The following ITFG1 variants were observed in gnomAD, a reference collection of about 807,000 sequenced individuals.
ITFG1 encodes the protein integrin alpha FG-GAP repeat containing 1.
ITFG1 carries 34 observed loss-of-function variants against 81.8 expected under a neutral mutation model. The observed-to-expected ratio is 0.42, with a 90% CI of 0.32 to 0.55. The LOEUF is 0.55. ITFG1 is among the 20% of genes least tolerant of loss of function. The probability of loss-of-function intolerance (pLI) is 0.17; values close to 1 mark genes in which losing one functional copy is unlikely to be tolerated. For missense variants in ITFG1, 672 were observed against 755.4 expected, an observed-to-expected ratio of 0.89 and a Z score of 1.29; for synonymous variants, 285 against 270.6, an observed-to-expected ratio of 1.05 and a Z score of -0.52.
chr16:47,155,550 A>G lies in ITFG1; in HGVS notation c.*169T>C. ...TTTATATACAAAGTGCTTTAAAAAA[A>G]AAGACCTTGTGACATATTCAAACCA... On this transcript the variant is annotated 3_prime_UTR_variant, in exon 18 of 18. Transcript: ENST00000320640. 1 of 508,920 alleles carries G rather than the reference A, an allele frequency of 2.0e-6. No individual in the cohort carries two copies. Among genetic ancestry groups the G allele is most frequent in the Non-Finnish European group, 3.4e-6 (1 of 293,694 alleles). The allele number at this position is 508,920 out of a possible 1,614,324, so 31.5% of individuals were successfully genotyped here.
intron 12 of ITFG1, among the ~76,000 whole-genome samples, chr16:47,252,462 G>T (rs996978876): frequency 6.6e-6 from 1 of 152,182 alleles, no homozygotes; most frequent in Admixed American, 6.5e-5. Flanking sequence ...GGGAAACAGG[G>T]TTCATCCAGG....
intron 10 of ITFG1, among the ~76,000 whole-genome samples, chr16:47,280,030 T>G (rs1426532602): frequency 6.6e-6 from 1 of 152,102 alleles, no homozygotes; most frequent in African/African-American, 2.4e-5. Context: ...TTCTTTCAAA[T>G]TTTCTACACC....
At chr16:47,326,648 G>A (rs1227071374) in intron 8 of ITFG1, among the ~76,000 whole-genome samples, 15 of 152,050 alleles carry the variant, frequency 9.9e-5, no homozygotes, top group African/African-American at 3.4e-4. Flanking sequence ...AAATCAATGT[G>A]CAAAAATCAC....
intron 8 of ITFG1, among the ~76,000 whole-genome samples, chr16:47,342,056 C>T (rs970733891): frequency 6.6e-6 from 1 of 152,080 alleles, no homozygotes; most frequent in African/African-American, 2.4e-5. Flanking sequence ...AAACACTTCC[C>T]AACTCGTTTT....
chr16:47,449,331 T>C (rs1403176526), intron 5 of ITFG1: 1 of 152,242 alleles, frequency 6.6e-6, no homozygotes, highest in Non-Finnish European at 1.5e-5. Context: ...TAACCCAAAA[T>C]GTCAATGCTG....
At chr16:47,445,343 A>C (rs1041791971) in intron 5 of ITFG1, among the ~76,000 whole-genome samples, 2 of 152,006 alleles carry the variant, frequency 1.3e-5, no homozygotes, top group African/African-American at 4.8e-5. Flanking sequence ...GATTTAGGAA[A>C]TGTAAGGAAG....
At chr16:47,373,065 A>G (rs1968278157) in intron 7 of ITFG1, among the ~76,000 whole-genome samples, 1 of 152,202 alleles carries the variant, frequency 6.6e-6, no homozygotes, top group South Asian at 2.1e-4. Context: ...CATATTACTT[A>G]GTTTAGAGAT....
chr16:47,247,298 T>A (rs903387037), intron 12 of ITFG1, among the ~76,000 whole-genome samples: 38 of 152,222 alleles, frequency 2.5e-4, no homozygotes, highest in Admixed American at 1.8e-3. Context: ...CAATCACAGT[T>A]TATTACAATT....
chr16:47,193,774 A>G (rs188115813), intron 14 of ITFG1, among the ~76,000 whole-genome samples: 21 of 152,358 alleles, frequency 1.4e-4, no homozygotes, highest in Admixed American at 3.3e-4. Flanking sequence ...GTGAATATAC[A>G]TAATTAAGTT....
At chr16:47,306,551 G>A (rs1967162477) in intron 10 of ITFG1, among the ~76,000 whole-genome samples, 1 of 151,794 alleles carries the variant, frequency 6.6e-6, no homozygotes, top group Non-Finnish European at 1.5e-5. Flanking sequence ...CAAAATATAT[G>A]ACCTGAAGTC....
At chr16:47,181,188 G>A (rs1236111918) in intron 14 of ITFG1, among the ~76,000 whole-genome samples, 7 of 148,756 alleles carry the variant, frequency 4.7e-5, no homozygotes, top group Middle Eastern at 7.8e-3. Context: ...CTGCCCGGCC[G>A]CCCCATCTGA....
At chr16:47,326,226 A>C (rs1022793697) in intron 8 of ITFG1, among the ~76,000 whole-genome samples, 19 of 152,362 alleles carry the variant, frequency 1.2e-4, no homozygotes, top group Middle Eastern at 3.4e-3. Context: ...CAAAAACCAC[A>C]TGATTATCTC....
chr16:47,317,956 C>A (rs1967388569), intron 8 of ITFG1: 1 of 152,136 alleles, frequency 6.6e-6, no homozygotes, highest in Non-Finnish European at 1.5e-5. Flanking sequence ...CATACCACTA[C>A]ATTAAGAAAC....
At chr16:47,205,408 C>T (rs1049347206) in intron 14 of ITFG1, among the ~76,000 whole-genome samples, 1 of 152,156 alleles carries the variant, frequency 6.6e-6, no homozygotes, top group African/African-American at 2.4e-5. Context: ...ACAATTCGTA[C>T]AAATTTTCAG....
At chr16:47,427,156 T>C (rs1273570995) in intron 6 of ITFG1, among the ~76,000 whole-genome samples, 1 of 152,178 alleles carries the variant, frequency 6.6e-6, no homozygotes, top group East Asian at 1.9e-4. Flanking sequence ...CCTGTTGAAA[T>C]AATGGGGCTG....
At chr16:47,239,383 T>C (rs547974763) in intron 12 of ITFG1, among the ~76,000 whole-genome samples, 3 of 152,180 alleles carry the variant, frequency 2.0e-5, no homozygotes, top group African/African-American at 4.8e-5. Flanking sequence ...GTATTTTTAG[T>C]AGAGACGGGG....
At chr16:47,313,544 A>C (rs7199958) in intron 9 of ITFG1, among the ~76,000 whole-genome samples, 185 bp downstream of exon 9, 18,096 of 152,146 alleles carry the variant, frequency 0.12, 2,362 homozygotes, top group African/African-American at 0.33. Context: ...TATAACAATG[A>C]TTTTCCCGCA....
intron 14 of ITFG1, among the ~76,000 whole-genome samples, chr16:47,173,002 C>A (rs1964979563): frequency 6.6e-6 from 1 of 152,158 alleles, no homozygotes; most frequent in African/African-American, 2.4e-5. Context: ...CTTCACTGTT[C>A]CTTGGAAAAT....
At chr16:47,277,867 T>C (rs573724829) in intron 10 of ITFG1, among the ~76,000 whole-genome samples, 3 of 152,336 alleles carry the variant, frequency 2.0e-5, no homozygotes, top group South Asian at 4.1e-4. Context: ...TGCCAGCACA[T>C]ACACTTATTT....
Sources: gnomAD v4.1 joint callset for allele counts (sites outside exome capture counted in the v4.1 genomes callset) on GRCh38, gnomAD v4.1.1 for gene constraint, MANE v1.5 for transcripts, NCBI Gene and HGNC (gene_info 2026-07-23, HGNC 2026-07-21) for gene names.